HEPH: variants seen among roughly 807,000 people sequenced by gnomAD.
HEPH encodes hephaestin.
In HEPH, 69 loss-of-function variants were observed where a neutral mutation model predicts 80.8. The ratio of observed to expected loss-of-function variants is 0.85; its 90% CI spans 0.70 to 1.04. HEPH has a LOEUF of 1.04. Among genes scored for constraint, HEPH ranks in the 50% least tolerant of loss-of-function variants. The probability of loss-of-function intolerance (pLI) is 0.00; values close to 1 mark genes in which losing one functional copy is unlikely to be tolerated. For synonymous variants in HEPH, 431 were observed against 322.8 expected (o/e 1.34, Z -3.60); for missense variants, 1,115 against 891.3 (o/e 1.25, Z -3.20).
At chrX:66,186,605 A>T in intron 4 of HEPH, among the ~76,000 whole-genome samples, 1 of 111,420 alleles carries the variant, frequency 9.0e-6, no homozygotes, top group Non-Finnish European at 1.9e-5. Context: ...ACTGTCTGGC[A>T]CTCCCTAGTG....
chrX:66,220,348 TCTC>T (rs1354243063), intron 15 of HEPH, among the ~76,000 whole-genome samples: 4 of 111,369 alleles, frequency 3.6e-5, no homozygotes, highest in African/African-American at 9.8e-5. Flanking sequence ...TTTATAAACT[TCTC>T]CTCAAACCAC....
At chrX:66,238,797 C>A (rs766818839) in intron 15 of HEPH, among the ~76,000 whole-genome samples, 2 of 112,002 alleles carry the variant, frequency 1.8e-5, no homozygotes, top group African/African-American at 3.2e-5. Context: ...GATTTACCCA[C>A]GTATTTATTA....
rs2088497774 is a variant in HEPH, at chrX:66,202,231, G to A, written c.2078-1133G>A. On this transcript the variant is annotated intron_variant, in intron 12 of 20. Transcript: ENST00000343002. Reference sequence around the variant, plus strand: ...TAACAAAATGAATGAAGATTTCAAGGTAGGAATGAATGAGATGTGTGAGAG... The same window carrying A: ...TAACAAAATGAATGAAGATTTCAAGATAGGAATGAATGAGATGTGTGAGAG... Among the ~76,000 whole-genome samples, 3 of 111,429 alleles carry A rather than the reference G, an allele frequency of 2.7e-5. No homozygotes were observed. The South Asian group carries it at 1.1e-3, about 43-fold the overall frequency.
chrX:66,228,629 C>T (rs1214129094), intron 15 of HEPH, among the ~76,000 whole-genome samples: 1 of 112,133 alleles, frequency 8.9e-6, no homozygotes, highest in African/African-American at 3.2e-5. Flanking sequence ...ATAATCTATA[C>T]ATCTGACAAA....
At chrX:66,212,990 T>C (rs1402384181) in intron 15 of HEPH, among the ~76,000 whole-genome samples, 1 of 110,140 alleles carries the variant, frequency 9.1e-6, no homozygotes, top group Non-Finnish European at 1.9e-5. Context: ...ATTTCTTTCA[T>C]CAGTGTTTGT....
chrX:66,228,291 C>T (rs2089975719), intron 15 of HEPH, among the ~76,000 whole-genome samples: 1 of 112,522 alleles, frequency 8.9e-6, no homozygotes, highest in Admixed American at 9.4e-5. Flanking sequence ...TGGGTTTCTC[C>T]CACAACATGA....
intron 15 of HEPH, among the ~76,000 whole-genome samples, chrX:66,223,772 T>A (rs2089755966): frequency 8.9e-6 from 1 of 111,992 alleles, no homozygotes; most frequent in African/African-American, 3.2e-5. Context: ...TTTACATTCT[T>A]ATGCCTCCTT....
intron 1 of HEPH, among the ~76,000 whole-genome samples, chrX:66,165,240 G>A (rs1309107332): frequency 2.7e-5 from 3 of 112,012 alleles, no homozygotes; most frequent in Non-Finnish European, 5.6e-5. Context: ...TTTTTTGGAT[G>A]AGATGACTAA....
At chrX:66,264,212 A>G (rs1461184351) in intron 20 of HEPH, among the ~76,000 whole-genome samples, 1 of 107,743 alleles carries the variant, frequency 9.3e-6, no homozygotes, top group Non-Finnish European at 1.9e-5. Flanking sequence ...CAATTCATCC[A>G]TGTAACCAAA....
chrX:66,178,124 G>A (rs1332669514), intron 4 of HEPH, among the ~76,000 whole-genome samples: 1 of 110,898 alleles, frequency 9.0e-6, no homozygotes, highest in Non-Finnish European at 1.9e-5. Flanking sequence ...GCCCCAGTGT[G>A]TGATGTTCCC....
chrX:66,245,881 C>T (rs2090785758), intron 15 of HEPH, among the ~76,000 whole-genome samples: 1 of 112,529 alleles, frequency 8.9e-6, no homozygotes, highest in South Asian at 3.7e-4. Flanking sequence ...TGATTCTAGT[C>T]TACTCCTTGG....
intron 15 of HEPH, among the ~76,000 whole-genome samples, chrX:66,228,617 T>C (rs1007004766): frequency 4.4e-5 from 5 of 112,376 alleles, no homozygotes; most frequent in African/African-American, 1.6e-4. Flanking sequence ...GATAAAATCT[T>C]CATAATCTAT....
intron 11 of HEPH, among the ~76,000 whole-genome samples, chrX:66,199,360 T>C (rs868575881): frequency 1.3e-4 from 12 of 93,903 alleles, no homozygotes; most frequent in East Asian, 6.6e-4. Flanking sequence ...GTACCTTGGG[T>C]CCCCCCCCCC....
At chrX:66,230,631 T>G (rs1159946361) in intron 15 of HEPH, among the ~76,000 whole-genome samples, 1 of 99,495 alleles carries the variant, frequency 1.0e-5, no homozygotes, top group African/African-American at 3.8e-5. Flanking sequence ...TTGTTTGTTT[T>G]TTTCTTGTAA....
intron 15 of HEPH, 102 bp downstream of exon 15, chrX:66,208,348 A>T (rs2088908960): frequency 6.0e-6 from 5 of 830,445 alleles, no homozygotes; most frequent in Middle Eastern, 7.3e-4. Context: ...GACTGGAGTG[A>T]TAGCTCATTC....
intron 15 of HEPH, among the ~76,000 whole-genome samples, chrX:66,234,551 C>CT (rs2090283259): frequency 9.1e-6 from 1 of 110,281 alleles, no homozygotes; most frequent in Non-Finnish European, 1.9e-5. Flanking sequence ...TAAGCATTCC[C>CT]TTTTCTCTGC....
rs2088575288 is a variant in HEPH, at chrX:66,203,367, C to T, written c.2081C>T (p.Thr694Ile). 2.5e-6 allele frequency: 3 copies of T among 1,206,325 alleles called. No homozygotes were observed. Among genetic ancestry groups the T allele is most frequent in the Non-Finnish European group, 3.4e-6 (3 of 893,319 alleles). Residue 694 changes from threonine (T) to isoleucine (I), a missense_variant, in exon 13 of 21, where the codon ACA (threonine) becomes ATA (isoleucine). Coordinates refer to ENST00000343002, the MANE Select transcript of HEPH (RefSeq NM_001367233.3). The part of the protein sequence containing the change: ...MAIMQPDNLG[T>I]FEIYCQAGSH... The stretch of plus-strand genomic sequence containing the variant: ...TTTCTCTCTGATCCTCCCTCAGGGA[C>T]ATTTGAGATTTATTGCCAGGCAGGC...
intron 1 of HEPH, among the ~76,000 whole-genome samples, chrX:66,165,679 A>T (rs1185418591): frequency 1.8e-5 from 2 of 111,773 alleles, no homozygotes; most frequent in Non-Finnish European, 3.8e-5. Context: ...GCTTAACTTT[A>T]TATTGGCTGA....
chrX:66,231,583 G>T (rs2090145524), intron 15 of HEPH, among the ~76,000 whole-genome samples: 1 of 109,793 alleles, frequency 9.1e-6, no homozygotes, highest in African/African-American at 3.3e-5. Flanking sequence ...CTGTTTGTCT[G>T]TTGTTGGTGT....
Sources: allele counts gnomAD v4.1 joint callset (sites outside exome capture counted in the v4.1 genomes callset), GRCh38; gene constraint gnomAD v4.1.1; transcripts MANE v1.5; gene names NCBI Gene and HGNC (gene_info 2026-07-23, HGNC 2026-07-21).